Variants in THSD7A observed in about 807,000 individuals in gnomAD.
THSD7A encodes thrombospondin type 1 domain containing 7A.
A neutral mutation model predicts 231.3 loss-of-function variants in THSD7A; 96 were observed. The observed-to-expected ratio is 0.41, with a 90% CI of 0.35 to 0.49. The LOEUF (loss-of-function observed/expected upper bound fraction) is 0.49. THSD7A is among the 20% of genes least tolerant of loss of function. THSD7A has a pLI of 0.05. For missense variants in THSD7A, 2,290 were observed against 2,070.2 expected (o/e 1.11, Z -2.06); for synonymous variants, 940 against 743.3 (o/e 1.26, Z -4.30).
intron 1 of THSD7A, among the ~76,000 whole-genome samples, chr7:11,703,674 T>C (rs1780675146): frequency 6.6e-6 from 1 of 151,294 alleles, no homozygotes; most frequent in Non-Finnish European, 1.5e-5. Context: ...ATGTACAATG[T>C]GGTGTCTGAC....
intron 1 of THSD7A, among the ~76,000 whole-genome samples, chr7:11,651,609 C>T (rs1421982245): frequency 6.6e-6 from 1 of 151,810 alleles, no homozygotes; most frequent in Non-Finnish European, 1.5e-5. Flanking sequence ...TATATAGCAA[C>T]ATTACCTCAA....
intron 6 of THSD7A, among the ~76,000 whole-genome samples, chr7:11,534,780 T>C (rs73286880): frequency 0.082 from 12,556 of 152,234 alleles, 798 homozygotes; most frequent in East Asian, 0.18. Flanking sequence ...ATGTGAGGAA[T>C]GCATCTGTTG....
At chr7:11,790,489 T>A (rs1193987123) in intron 1 of THSD7A, among the ~76,000 whole-genome samples, 1 of 151,888 alleles carries the variant, frequency 6.6e-6, no homozygotes, top group Admixed American at 6.6e-5. Flanking sequence ...ACAGGAAGGA[T>A]TCATGTCTAT....
intron 1 of THSD7A, among the ~76,000 whole-genome samples, chr7:11,653,379 A>G (rs867978546): frequency 6.6e-6 from 1 of 150,420 alleles, no homozygotes; most frequent in Non-Finnish European, 1.5e-5. Flanking sequence ...GCTCATAACC[A>G]TTTCCTCTAA....
intron 6 of THSD7A, among the ~76,000 whole-genome samples, chr7:11,487,725 T>C (rs1348203746): frequency 6.6e-6 from 1 of 151,978 alleles, no homozygotes; most frequent in South Asian, 2.1e-4. Flanking sequence ...GGAACTCCCA[T>C]TGAAAAAAAC....
intron 4 of THSD7A, among the ~76,000 whole-genome samples, chr7:11,561,037 C>T (rs967557593): frequency 8.5e-5 from 13 of 152,116 alleles, no homozygotes; most frequent in African/African-American, 2.9e-4. Context: ...CCATATAGGG[C>T]AACCGAGTAT....
chr7:11,644,634 T>C (rs952734562), intron 1 of THSD7A, among the ~76,000 whole-genome samples: 2 of 151,992 alleles, frequency 1.3e-5, no homozygotes, highest in African/African-American at 4.8e-5. Context: ...TCAAATTACA[T>C]GTACAAAATT....
chr7:11,519,478 G>A lies in THSD7A; in HGVS notation c.1822+21941C>T, dbSNP rs761170742. On this transcript the variant is annotated intron_variant, in intron 6 of 27. Transcript: ENST00000423059. ...CATTGGTCAGAACTATGTTCACTTC[G>A]CTAGGTACTGGCACACTGTCACTTT... Among the ~76,000 whole-genome samples, 27 of 152,222 alleles carry A rather than the reference G, an allele frequency of 1.8e-4. 1 individual carries two copies. Among genetic ancestry groups the A allele is most frequent in the Non-Finnish European group, 2.9e-5 (2 of 68,016 alleles).
At chr7:11,679,722 C>G (rs1336512497) in intron 1 of THSD7A, among the ~76,000 whole-genome samples, 1 of 152,146 alleles carries the variant, frequency 6.6e-6, no homozygotes, top group Non-Finnish European at 1.5e-5. Flanking sequence ...AAAAGCATTC[C>G]ATGCTCATGG....
intron 1 of THSD7A, chr7:11,820,506 G>A (rs1216993983): frequency 1.7e-5 from 14 of 846,354 alleles, no homozygotes; most frequent in Non-Finnish European, 2.6e-5. Context: ...GCTTTTGGGT[G>A]TGTAATCTAG....
chr7:11,450,761 G>A (rs1362595158), intron 11 of THSD7A, among the ~76,000 whole-genome samples: 2 of 151,956 alleles, frequency 1.3e-5, no homozygotes, highest in African/African-American at 2.4e-5. Context: ...TGTATTTACA[G>A]GTGAAGCATG....
At chr7:11,608,650 C>T (rs1223899224) in intron 2 of THSD7A, among the ~76,000 whole-genome samples, 1 of 152,070 alleles carries the variant, frequency 6.6e-6, no homozygotes, top group East Asian at 1.9e-4. Context: ...AAAAGCAATG[C>T]AGTTATCATA....
At chr7:11,623,059 T>C (rs1383494665) in intron 2 of THSD7A, among the ~76,000 whole-genome samples, 1 of 152,194 alleles carries the variant, frequency 6.6e-6, no homozygotes, top group African/African-American at 2.4e-5. Flanking sequence ...CCTTCAGTGC[T>C]TTATACTTGC....
At chr7:11,761,604 T>C (rs944919541) in intron 1 of THSD7A, among the ~76,000 whole-genome samples, 2 of 152,142 alleles carry the variant, frequency 1.3e-5, no homozygotes, top group African/African-American at 4.8e-5. Flanking sequence ...GAATGACAGT[T>C]TGTAGTACTT....
At chr7:11,794,933 G>C (rs1420043455) in intron 1 of THSD7A, among the ~76,000 whole-genome samples, 1 of 151,958 alleles carries the variant, frequency 6.6e-6, no homozygotes, top group African/African-American at 2.4e-5. Context: ...TAAGTATGCA[G>C]AACAATGAAA....
chr7:11,706,629 G>GTTTTTTTTTTTTTTTTTT (rs1780775506), intron 1 of THSD7A, among the ~76,000 whole-genome samples: 1 of 54,394 alleles, frequency 1.8e-5, no homozygotes, highest in African/African-American at 7.2e-5. Flanking sequence ...TTAACAAGGT[G>GTTTTTTTTTTTTTTTTTT]CTTTTTTTTT....
At chr7:11,458,926 C>G (rs1478672172) in intron 11 of THSD7A, among the ~76,000 whole-genome samples, 1 of 152,096 alleles carries the variant, frequency 6.6e-6, no homozygotes, top group Non-Finnish European at 1.5e-5. Context: ...ACAGCATGTG[C>G]CAACTACTCT....
chr7:11,806,950 C>T (rs1234124496), intron 1 of THSD7A, among the ~76,000 whole-genome samples: 1 of 151,998 alleles, frequency 6.6e-6, no homozygotes, highest in African/African-American at 2.4e-5. Flanking sequence ...ATACTGAAGG[C>T]AGCATTTTTA....
intron 2 of THSD7A, among the ~76,000 whole-genome samples, chr7:11,596,244 G>A (rs1780353223): frequency 6.6e-6 from 1 of 152,154 alleles, no homozygotes. Context: ...ACTGTGCATT[G>A]GGAAAGGGAA....
Sources: gnomAD v4.1 joint callset for allele counts (sites outside exome capture counted in the v4.1 genomes callset) on GRCh38, gnomAD v4.1.1 for gene constraint, MANE v1.5 for transcripts, NCBI Gene and HGNC (gene_info 2026-07-23, HGNC 2026-07-21) for gene names.